Variants in ARHGEF7 observed in about 807,000 individuals in gnomAD.
The protein encoded by ARHGEF7 is Rho guanine nucleotide exchange factor 7.
In ARHGEF7, 33 loss-of-function variants were observed where a neutral mutation model predicts 109.8. That is an observed-to-expected ratio of 0.30 (90% CI 0.23 to 0.40). The LOEUF is 0.40. ARHGEF7 is among the 10% of genes least tolerant of loss of function. The pLI, the probability that ARHGEF7 is intolerant of heterozygous loss-of-function variation, is 1.00. For missense variants in ARHGEF7, 938 were observed against 1,098.5 expected (o/e 0.85, Z 2.07); for synonymous variants, 458 against 424.6 (o/e 1.08, Z -0.97).
chr13:111,149,713 A>G (rs2075797170), intron 1 of ARHGEF7, among the ~76,000 whole-genome samples: 1 of 152,218 alleles, frequency 6.6e-6, no homozygotes, highest in African/African-American at 2.4e-5. Flanking sequence ...TACTCCTATG[A>G]CTGTACTAGT....
intron 2 of ARHGEF7, among the ~76,000 whole-genome samples, chr13:111,175,098 C>T (rs566155546): frequency 2.0e-4 from 31 of 152,234 alleles, no homozygotes; most frequent in Admixed American, 3.9e-4. Flanking sequence ...GGGAGTGGGA[C>T]GAGCTTCTCT....
At chr13:111,179,929 A>C (rs1040481041) in intron 2 of ARHGEF7, among the ~76,000 whole-genome samples, 31 of 152,184 alleles carry the variant, frequency 2.0e-4, no homozygotes, top group Admixed American at 7.9e-4. Context: ...ACAGTTGGTC[A>C]CTAGGTTAAA....
intron 2 of ARHGEF7, among the ~76,000 whole-genome samples, chr13:111,176,788 C>T (rs1243644538): frequency 6.6e-6 from 1 of 152,232 alleles, no homozygotes; most frequent in Non-Finnish European, 1.5e-5. Context: ...ATGGAGTTCA[C>T]TCTTGTCACC....
At chr13:111,243,191 T>C (rs1476819028) in intron 6 of ARHGEF7, among the ~76,000 whole-genome samples, 20 of 151,978 alleles carry the variant, frequency 1.3e-4, no homozygotes, top group Non-Finnish European at 1.5e-5. Context: ...TTCCCAGAAA[T>C]TGATTTCAAT....
chr13:111,232,422 G>A (rs2086211890), intron 5 of ARHGEF7, among the ~76,000 whole-genome samples: 1 of 152,098 alleles, frequency 6.6e-6, no homozygotes, highest in African/African-American at 2.4e-5. Context: ...ACCAGTGATA[G>A]AGACCCCCTC....
At chr13:111,292,438 T>G (rs1403881503) in intron 19 of ARHGEF7, 144 bp downstream of exon 19, 1 of 1,461,496 alleles carries the variant, frequency 6.8e-7, no homozygotes, top group African/African-American at 1.4e-5. Flanking sequence ...TTTAACAACT[T>G]TTGAGAGTGT....
At chr13:111,178,913 G>C (rs2078437842) in intron 2 of ARHGEF7, among the ~76,000 whole-genome samples, 1 of 152,088 alleles carries the variant, frequency 6.6e-6, no homozygotes, top group African/African-American at 2.4e-5. Context: ...TTCCTCCTAG[G>C]CTACGGATGG....
chr13:111,249,990 C>A (rs1286109953), intron 8 of ARHGEF7, among the ~76,000 whole-genome samples: 1 of 152,176 alleles, frequency 6.6e-6, no homozygotes. Flanking sequence ...TGCCTCTAGG[C>A]AGTTACTTTC....
intron 2 of ARHGEF7, among the ~76,000 whole-genome samples, chr13:111,203,850 C>T (rs2081459162): frequency 6.6e-6 from 1 of 152,202 alleles, no homozygotes; most frequent in Non-Finnish European, 1.5e-5. Flanking sequence ...CTTAGCTTCT[C>T]TTGGCGTGAG....
chr13:111,123,782 A>ACAGGATCG (rs1198619364), intron 1 of ARHGEF7, among the ~76,000 whole-genome samples: 1 of 151,664 alleles, frequency 6.6e-6, no homozygotes, highest in Non-Finnish European at 1.5e-5. Context: ...GGAGGTGGTG[A>ACAGGATCG]CAGGATCGCC....
chr13:111,153,686 G>A, intron 1 of ARHGEF7: 1 of 1,274,890 alleles, frequency 7.8e-7, no homozygotes, highest in East Asian at 3.5e-5. Context: ...GCGGGAAGGG[G>A]CAGAGATTGG....
At position 111,273,691 on chromosome 13, in the gene ARHGEF7, C is replaced by A; in HGVS notation, c.1074-123C>A. The A allele has an allele frequency of 7.3e-7, 1 of 1,364,212 alleles. No individual in the cohort carries two copies. Among genetic ancestry groups the A allele is most frequent in the Non-Finnish European group, 1.0e-6 (1 of 983,620 alleles). 84.5% of individuals were successfully genotyped at this position (1,364,212 alleles called of 1,614,324 possible). A position where few individuals can be genotyped will look rare whatever the true frequency, so the allele number is the denominator to read the frequency against. ...GCAGATTTGGGATAAAAGCTGGAGC[C>A]TTCCAGATGTTAAAAGCAACACTTA... On this transcript the variant is annotated intron_variant, in intron 9 of 21. Transcript: ENST00000646102. This position sits in a 1 kb window ranked among gnomAD's most constrained non-coding sequence, Gnocchi z 4.5.
intron 1 of ARHGEF7, among the ~76,000 whole-genome samples, chr13:111,148,430 CTACAGGTACCCATGTACATG>C (rs2075725248): frequency 6.6e-6 from 1 of 152,188 alleles, no homozygotes; most frequent in African/African-American, 2.4e-5. Context: ...ACCTAGCTTG[CTACAGGTACCCATGTACATG>C]TACAGAAATA....
At chr13:111,180,736 G>C (rs1228051273) in intron 2 of ARHGEF7, among the ~76,000 whole-genome samples, 1 of 152,240 alleles carries the variant, frequency 6.6e-6, no homozygotes, top group Non-Finnish European at 1.5e-5. Flanking sequence ...GCTCCAACAA[G>C]AGAATGAGAG....
chr13:111,180,287 G>A (rs946904420), intron 2 of ARHGEF7, among the ~76,000 whole-genome samples: 1 of 152,102 alleles, frequency 6.6e-6, no homozygotes, highest in Non-Finnish European at 1.5e-5. Context: ...CTTCCCTTAC[G>A]AGCTTTTCAT....
At chr13:111,301,557 C>CT (rs574227500) in intron 21 of ARHGEF7, 25 bp downstream of exon 21, 794 of 1,557,074 alleles carry the variant, frequency 5.1e-4, no homozygotes, top group Non-Finnish European at 6.3e-4. Flanking sequence ...ATCTTTAAAT[C>CT]TTTTTTTTCT....
chr13:111,133,519 T>C (rs1460501124), intron 1 of ARHGEF7, among the ~76,000 whole-genome samples: 5 of 151,790 alleles, frequency 3.3e-5, no homozygotes, highest in Non-Finnish European at 5.9e-5. Context: ...CGAACTTTTG[T>C]CCATCACATA....
chr13:111,274,395 AG>A (rs1261868967), intron 10 of ARHGEF7, among the ~76,000 whole-genome samples: 1 of 152,216 alleles, frequency 6.6e-6, no homozygotes, highest in Non-Finnish European at 1.5e-5. Context: ...CTTTTCTATA[AG>A]GGGGCAGACT....
intron 5 of ARHGEF7, among the ~76,000 whole-genome samples, chr13:111,230,094 T>C (rs2085831771): frequency 6.6e-6 from 1 of 152,190 alleles, no homozygotes; most frequent in South Asian, 2.1e-4. Context: ...TCCTCTTTGC[T>C]TTTGGCATGT....
Sources: allele counts gnomAD v4.1 joint callset (sites outside exome capture counted in the v4.1 genomes callset), GRCh38; gene constraint gnomAD v4.1.1; non-coding constraint Gnocchi (gnomAD v3.1); transcripts MANE v1.5; gene names NCBI Gene and HGNC (gene_info 2026-07-23, HGNC 2026-07-21).